Variants in ARRB1 observed in about 807,000 individuals in gnomAD.
ARRB1 encodes the protein arrestin beta 1.
A neutral mutation model predicts 56.8 loss-of-function variants in ARRB1; 21 were observed. The observed-to-expected ratio is 0.37, with a 90% CI of 0.26 to 0.53. The LOEUF (loss-of-function observed/expected upper bound fraction) is 0.53. Ranked by LOEUF, ARRB1 falls within the 20% of genes least tolerant of loss-of-function variation. The pLI is 0.88. For missense variants in ARRB1, 424 were observed against 553.7 expected (o/e 0.77, Z 2.35); for synonymous variants, 210 against 218.6 (o/e 0.96, Z 0.35).
chr11:75,298,915 A>G lies in ARRB1; in HGVS notation c.21-8876T>C, dbSNP rs564232580. 3.3e-3 allele frequency among the ~76,000 whole-genome samples: 490 copies of G among 149,024 alleles called. 5 individuals carry two copies. Among genetic ancestry groups the G allele is most frequent in the African/African-American group, 0.012 (468 of 38,600 alleles). On this transcript the variant is annotated intron_variant, in intron 1 of 15. Coordinates refer to ENST00000420843, the MANE Select transcript of ARRB1 (RefSeq NM_004041.5). Reference sequence around the variant, plus strand: ...GAACCTTGAAAACATTATGTTAAGTAAATTAACATAATGTTAATTATGTTA... The same window carrying G: ...GAACCTTGAAAACATTATGTTAAGTGAATTAACATAATGTTAATTATGTTA...
intron 1 of ARRB1, among the ~76,000 whole-genome samples, chr11:75,326,137 C>T (rs1442097507): frequency 1.3e-5 from 2 of 152,172 alleles, no homozygotes; most frequent in Admixed American, 6.5e-5. Flanking sequence ...GCTCAGGCAG[C>T]TCTGGAGAAG....
chr11:75,309,075 C>T (rs1390420387), intron 1 of ARRB1, among the ~76,000 whole-genome samples: 2 of 152,370 alleles, frequency 1.3e-5, no homozygotes, highest in African/African-American at 2.4e-5. Context: ...AGGCAACGCC[C>T]GCCTGGCGGC....
chr11:75,318,662 C>T (rs1415615473), intron 1 of ARRB1, among the ~76,000 whole-genome samples: 1 of 151,992 alleles, frequency 6.6e-6, no homozygotes, highest in Non-Finnish European at 1.5e-5. Flanking sequence ...TGCACCCTAG[C>T]CTGGGCAACA....
chr11:75,306,693 G>T (rs934547724), intron 1 of ARRB1: 3 of 1,269,086 alleles, frequency 2.4e-6, no homozygotes. Flanking sequence ...GGCCAGCCCC[G>T]CAGGCTCAGC....
rs146434042 is a variant in ARRB1, at chr11:75,334,392, C to A, written c.20+17196G>T. On this transcript the variant is annotated intron_variant, in intron 1 of 15. Coordinates refer to ENST00000420843, the MANE Select transcript of ARRB1 (RefSeq NM_004041.5). ...GTGCTCCACAGTTTATAACCACTTT[C>A]ACCCTCTTGATTCGTCTGACCACCT... is the stretch of plus-strand genomic sequence containing the variant. Among the ~76,000 whole-genome samples the A allele has an allele frequency of 4.0e-3, 608 of 151,706 alleles. 5 individuals carry two copies. The highest frequency in any genetic ancestry group is 0.014 in the African/African-American group (578 of 41,382).
chr11:75,283,771 A>AGGCTT (rs1414174668), intron 4 of ARRB1, among the ~76,000 whole-genome samples: 1 of 149,318 alleles, frequency 6.7e-6, no homozygotes, highest in Non-Finnish European at 1.5e-5. Context: ...ACGGTCTGAC[A>AGGCTT]GGCTTGGCGG....
chr11:75,313,731 G>A (rs985834569), intron 1 of ARRB1, among the ~76,000 whole-genome samples: 2 of 152,208 alleles, frequency 1.3e-5, no homozygotes, highest in Non-Finnish European at 2.9e-5. Flanking sequence ...AAACCCCTGT[G>A]AGGAAATTCC....
Position 75,276,950 on chromosome 11 carries a change from A to C in ARRB1, c.704-39T>G, listed in dbSNP as rs112353325. ...GGAATCAAGGTGGAGTGAGTCGGGA[A>C]TGTAGCTCCCATGGAGTCTCACAGG... On this transcript the variant is annotated intron_variant, in intron 9 of 15. Transcript: ENST00000420843. The C allele has an allele frequency of 3.2e-5, 52 of 1,604,596 alleles. 1 individual carries two copies. Among genetic ancestry groups the C allele is most frequent in the African/African-American group, 3.2e-4 (24 of 74,862 alleles).
intron 2 of ARRB1, among the ~76,000 whole-genome samples, chr11:75,288,614 T>G (rs546927721): frequency 3.6e-4 from 38 of 106,052 alleles, no homozygotes; most frequent in Non-Finnish European, 6.5e-4. Context: ...ATGCAAATCT[T>G]TCTTTTTTTT....
intron 1 of ARRB1, chr11:75,306,529 G>T: frequency 8.8e-7 from 1 of 1,137,616 alleles, no homozygotes; most frequent in Non-Finnish European, 1.2e-6. Context: ...CAAACTTCCT[G>T]GTGAGTCAGA....
At chr11:75,269,026 G>A in intron 13 of ARRB1, 67 bp from the exon 14 acceptor site, 1 of 1,533,924 alleles carries the variant, frequency 6.5e-7, no homozygotes, top group South Asian at 1.1e-5. Context: ...TGATGTCGAT[G>A]CCCTGTCAGT....
At chr11:75,309,696 A>G (rs1400178110) in intron 1 of ARRB1, among the ~76,000 whole-genome samples, 1 of 152,202 alleles carries the variant, frequency 6.6e-6, no homozygotes, top group East Asian at 1.9e-4. Flanking sequence ...GGGAGACCAG[A>G]GTGCTGAGCA....
At chr11:75,303,680 A>G (rs1172398565) in intron 1 of ARRB1, 3 of 456,264 alleles carry the variant, frequency 6.6e-6, no homozygotes, top group Admixed American at 2.3e-5. Flanking sequence ...CTCAGTGAAC[A>G]AGCAAGCCCT....
intron 6 of ARRB1, chr11:75,281,735 G>C (rs1305702233): frequency 1.8e-5 from 10 of 549,528 alleles, no homozygotes; most frequent in Non-Finnish European, 3.2e-5. Flanking sequence ...CCACCCAGGA[G>C]AGCCTCCAGA....
At chr11:75,272,633 C>G (rs574046400) in intron 12 of ARRB1, among the ~76,000 whole-genome samples, 12 of 151,988 alleles carry the variant, frequency 7.9e-5, no homozygotes, top group Admixed American at 7.2e-4. Context: ...AGTGCGAGCC[C>G]AGACCTAGGA....
At chr11:75,273,930 A>T in intron 11 of ARRB1, 144 bp downstream of exon 11, 1 of 1,299,084 alleles carries the variant, frequency 7.7e-7, no homozygotes, top group Non-Finnish European at 1.1e-6. Context: ...CTTCCCTGAC[A>T]AGTCAAGCAC....
Position 75,284,269 on chromosome 11 carries a change from G to A in ARRB1, c.123C>T (p.Val41=). The A allele has an allele frequency of 6.2e-7, 1 of 1,608,150 alleles. No individual in the cohort carries two copies. The highest frequency in any genetic ancestry group is 8.5e-7 in the Non-Finnish European group (1 of 1,175,886). The stretch of plus-strand genomic sequence containing the variant: ...CTTTGAGATACTCAGGATCCACCAG[G>A]ACCACACCATCTGGGGAAAGGACAG... ...IDLVDPVDGV[V]LVDPEYLKER... is the part of the protein sequence containing the mutation. The change falls in exon 4 of 16, where the codon GTC becomes GTT. Residue 41 remains valine, a synonymous_variant. Transcript: ENST00000420843.
At chr11:75,273,270 C>T (rs1026039737) in intron 11 of ARRB1, among the ~76,000 whole-genome samples, 4 of 152,198 alleles carry the variant, frequency 2.6e-5, no homozygotes, top group Non-Finnish European at 4.4e-5. Context: ...GGCTCCTCCT[C>T]CCCTCAGATG....
At chr11:75,324,137 A>G (rs977299450) in intron 1 of ARRB1, among the ~76,000 whole-genome samples, 2 of 152,148 alleles carry the variant, frequency 1.3e-5, no homozygotes, top group Non-Finnish European at 2.9e-5. Flanking sequence ...CTCCTTGTCT[A>G]ATGTGGAGGG....
Sources: allele counts gnomAD v4.1 joint callset (sites outside exome capture counted in the v4.1 genomes callset), GRCh38; gene constraint gnomAD v4.1.1; transcripts MANE v1.5; gene names NCBI Gene and HGNC (gene_info 2026-07-23, HGNC 2026-07-21).